Variants in SLC24A3 observed in about 807,000 individuals in gnomAD.
SLC24A3 encodes the protein solute carrier family 24 member 3.
SLC24A3 carries 28 observed loss-of-function variants against 75.8 expected under a neutral mutation model. The ratio of observed to expected loss-of-function variants is 0.37; its 90% CI spans 0.27 to 0.51. The LOEUF is 0.51. SLC24A3 is among the 20% of genes least tolerant of loss of function. SLC24A3 has a pLI of 0.94. For missense variants in SLC24A3, 663 were observed against 847.8 expected (o/e 0.78, Z 2.71); for synonymous variants, 372 against 334.1 (o/e 1.11, Z -1.24).
intron 3 of SLC24A3, among the ~76,000 whole-genome samples, chr20:19,535,994 C>T (rs931376580): frequency 6.6e-6 from 1 of 152,040 alleles, no homozygotes; most frequent in Non-Finnish European, 1.5e-5. Context: ...TTTTAAGGAG[C>T]CCACCCTCAC....
chr20:19,710,856 A>C (rs1260463855), intron 15 of SLC24A3, among the ~76,000 whole-genome samples: 2 of 152,364 alleles, frequency 1.3e-5, no homozygotes, highest in East Asian at 3.9e-4. Context: ...AACACTTAAG[A>C]TCTGTGCATT....
intron 2 of SLC24A3, among the ~76,000 whole-genome samples, chr20:19,318,589 C>T (rs1270059396): frequency 6.6e-6 from 1 of 152,136 alleles, no homozygotes; most frequent in Non-Finnish European, 1.5e-5. Flanking sequence ...GAGTGGGAGA[C>T]ACCACATGTA....
At chr20:19,467,613 G>T (rs1987788364) in intron 2 of SLC24A3, among the ~76,000 whole-genome samples, 1 of 152,158 alleles carries the variant, frequency 6.6e-6, no homozygotes, top group African/African-American at 2.4e-5. Flanking sequence ...AGGCATGGTG[G>T]CTCATGCCTG....
intron 2 of SLC24A3, among the ~76,000 whole-genome samples, chr20:19,418,708 A>G (rs1022940231): frequency 4.0e-5 from 6 of 151,648 alleles, no homozygotes; most frequent in African/African-American, 1.5e-4. Flanking sequence ...TATAATAAAC[A>G]TCACTCCTCT....
intron 2 of SLC24A3, among the ~76,000 whole-genome samples, chr20:19,442,071 C>T (rs1987307614): frequency 6.6e-6 from 1 of 152,154 alleles, no homozygotes; most frequent in Non-Finnish European, 1.5e-5. Context: ...ATTCCATTGT[C>T]TGAATGTACC....
At position 19,253,143 on chromosome 20, in the gene SLC24A3, G is replaced by A. The variant is rs142974783; in HGVS notation, c.143-27816G>A. Among the ~76,000 whole-genome samples the A allele has an allele frequency of 2.8e-3, 426 of 152,190 alleles. 4 individuals are homozygous for A. The highest frequency in any genetic ancestry group is 9.6e-3 in the African/African-American group (400 of 41,518). ...CAGCTTTGGGCCGGTGGTCTCATCT[G>A]CCATTTCCTATAGGAGTAGGTAGAG... On this transcript the variant is annotated intron_variant, in intron 1 of 16. Coordinates refer to ENST00000328041, the MANE Select transcript of SLC24A3 (RefSeq NM_020689.4).
intron 1 of SLC24A3, among the ~76,000 whole-genome samples, chr20:19,262,404 CAAAAAA>C (rs58691860): frequency 2.6e-5 from 2 of 75,750 alleles, no homozygotes; most frequent in East Asian, 4.0e-4. Flanking sequence ...GACTCCGTCT[CAAAAAA>C]AAAAAAAAAA....
chr20:19,560,956 G>A (rs1336916596), intron 3 of SLC24A3, among the ~76,000 whole-genome samples: 3 of 152,120 alleles, frequency 2.0e-5, no homozygotes, highest in Admixed American at 6.5e-5. Flanking sequence ...GTGTGGATGA[G>A]GAGGAGGGTT....
chr20:19,548,356 T>C (rs1409886003), intron 3 of SLC24A3, among the ~76,000 whole-genome samples: 1 of 152,204 alleles, frequency 6.6e-6, no homozygotes. Flanking sequence ...TAATTAGAAA[T>C]TTTCACTATA....
At chr20:19,599,604 G>A (rs1200326306) in intron 6 of SLC24A3, among the ~76,000 whole-genome samples, 4 of 152,226 alleles carry the variant, frequency 2.6e-5, no homozygotes, top group Admixed American at 6.5e-5. Flanking sequence ...TGGAACACAA[G>A]ATGCTGCCTC....
At chr20:19,233,965 C>A (rs1292590535) in intron 1 of SLC24A3, among the ~76,000 whole-genome samples, 1 of 152,206 alleles carries the variant, frequency 6.6e-6, no homozygotes, top group Non-Finnish European at 1.5e-5. Flanking sequence ...AAGTCTCTAG[C>A]CTCCTGAAAG....
intron 2 of SLC24A3, among the ~76,000 whole-genome samples, chr20:19,449,780 T>TC (rs1290262379): frequency 6.6e-6 from 1 of 152,050 alleles, no homozygotes; most frequent in African/African-American, 2.4e-5. Context: ...AACCTCATCT[T>TC]CCCCCCTGTT....
chr20:19,636,953 C>T (rs867038044), intron 6 of SLC24A3, among the ~76,000 whole-genome samples: 15 of 151,974 alleles, frequency 9.9e-5, no homozygotes, highest in Non-Finnish European at 1.5e-4. Context: ...AAGAACAAGC[C>T]GCTATTTAAA....
At chr20:19,587,628 G>A (rs2031316796) in intron 6 of SLC24A3, among the ~76,000 whole-genome samples, 1 of 152,212 alleles carries the variant, frequency 6.6e-6, no homozygotes, top group African/African-American at 2.4e-5. Context: ...AGTCTTTGCA[G>A]AGGAAGCAAA....
chr20:19,676,149 GAGA>G (rs553673234), intron 9 of SLC24A3, among the ~76,000 whole-genome samples: 58 of 152,318 alleles, frequency 3.8e-4, no homozygotes, highest in Non-Finnish European at 7.2e-4. Flanking sequence ...TGTGGCCAGA[GAGA>G]AGAAGACTTG....
chr20:19,562,609 A>G (rs1380321247), intron 3 of SLC24A3, among the ~76,000 whole-genome samples: 1 of 152,230 alleles, frequency 6.6e-6, no homozygotes. Context: ...AAGTGCTGTA[A>G]TAAGAAGCTT....
At chr20:19,440,537 TAA>T (rs1491128497) in intron 2 of SLC24A3, among the ~76,000 whole-genome samples, 1 of 151,574 alleles carries the variant, frequency 6.6e-6, no homozygotes, top group Non-Finnish European at 1.5e-5. Flanking sequence ...AACCATGAGG[TAA>T]GAGAGAGAGG....
chr20:19,457,374 T>C (rs951277775), intron 2 of SLC24A3, among the ~76,000 whole-genome samples: 19 of 152,244 alleles, frequency 1.2e-4, no homozygotes, highest in Non-Finnish European at 2.2e-4. Flanking sequence ...AACATTTTCT[T>C]TTTGCATGAT....
intron 2 of SLC24A3, among the ~76,000 whole-genome samples, chr20:19,398,091 G>T (rs1986488071): frequency 6.6e-6 from 1 of 151,996 alleles, no homozygotes; most frequent in African/African-American, 2.4e-5. Flanking sequence ...AGGAATTAAA[G>T]CCTTCTCTCT....
Sources: allele counts gnomAD v4.1 joint callset (sites outside exome capture counted in the v4.1 genomes callset), GRCh38; gene constraint gnomAD v4.1.1; transcripts MANE v1.5; gene names NCBI Gene and HGNC (gene_info 2026-07-23, HGNC 2026-07-21).